PPIP5K2: variants seen among roughly 807,000 people sequenced by gnomAD.
The protein encoded by PPIP5K2 is inositol hexakisphosphate and diphosphoinositol-pentakisphosphate kinase 2.
Under a neutral mutation model 154.6 loss-of-function variants are expected in PPIP5K2, and 105 were observed. The observed-to-expected ratio is 0.68, with a 90% CI of 0.58 to 0.80. The LOEUF (loss-of-function observed/expected upper bound fraction) is 0.80. PPIP5K2 is among the 30% of genes least tolerant of loss of function. The pLI, the probability that PPIP5K2 is intolerant of heterozygous loss-of-function variation, is 0.00. For missense variants in PPIP5K2, 992 were observed against 1,504.6 expected (o/e 0.66, Z 5.64); for synonymous variants, 480 against 490.3 (o/e 0.98, Z 0.28).
At chr5:103,173,414 G>A in intron 20 of PPIP5K2, 132 bp downstream of exon 20, 2 of 1,104,016 alleles carry the variant, frequency 1.8e-6, no homozygotes, top group Non-Finnish European at 2.5e-6. Flanking sequence ...TATTACCTAG[G>A]TATTTCTATT....
chr5:103,160,842 A>G (rs1796104676), intron 17 of PPIP5K2, among the ~76,000 whole-genome samples: 1 of 152,100 alleles, frequency 6.6e-6, no homozygotes, highest in South Asian at 2.1e-4. Context: ...TGCAATGAGC[A>G]TACGTTTCTC....
At position 103,180,432 on chromosome 5, in the gene PPIP5K2, T is replaced by A. The variant is rs78354769; in HGVS notation, c.2922+244T>A. Among the ~76,000 whole-genome samples, 23 of 152,250 alleles carry A rather than the reference T, an allele frequency of 1.5e-4. 1 individual carries two copies. The East Asian group carries it at 4.4e-3, about 29-fold the overall frequency. On this transcript the variant is annotated intron_variant, in intron 24 of 30. Transcript: ENST00000358359. ...AGGATGCAAATATAAAATAAGCTGTTTCTAGGAACTTGAAAAATGAATGCT... is the reference window on the plus strand; with the variant it reads ...AGGATGCAAATATAAAATAAGCTGTATCTAGGAACTTGAAAAATGAATGCT...
chr5:103,186,725 A>T (rs1554225270), intron 27 of PPIP5K2, among the ~76,000 whole-genome samples: 1 of 152,200 alleles, frequency 6.6e-6, no homozygotes. Context: ...ATTATATTAT[A>T]AAGAGCAAGC....
In PPIP5K2 at chr5:103,206,348, C is replaced by T. The variant is rs187729952; in HGVS notation, c.*4714C>T. 2 of 152,204 alleles carry T rather than the reference C, an allele frequency of 1.3e-5. No individual in the cohort carries two copies. The highest frequency in any genetic ancestry group is 4.8e-5 in the African/African-American group (2 of 41,524). 9.4% of individuals were successfully genotyped at this position (152,204 alleles called of 1,614,324 possible). A position where few individuals can be genotyped will look rare whatever the true frequency, so the allele number is the denominator to read the frequency against. ...ATATTTTTTTTGTTCATGTCCAACA[C>T]AATAAAAATTGAGGGAAGTTCTGTC... On this transcript the variant is annotated 3_prime_UTR_variant, in exon 31 of 31. Coordinates refer to ENST00000358359, the MANE Select transcript of PPIP5K2 (RefSeq NM_001276277.3).
intron 29 of PPIP5K2, among the ~76,000 whole-genome samples, chr5:103,192,067 A>G (rs1174355446): frequency 1.3e-5 from 2 of 152,036 alleles, no homozygotes; most frequent in African/African-American, 4.8e-5. Flanking sequence ...TATTTTGTCT[A>G]AATGATACCC....
chr5:103,188,973 T>C (rs2149791725), intron 28 of PPIP5K2: 1 of 412,116 alleles, frequency 2.4e-6, no homozygotes, highest in African/African-American at 2.1e-5. Context: ...TTTTTTAATA[T>C]TGTGTTGTCT....
intron 21 of PPIP5K2, chr5:103,176,750 GACTTT>G (rs1363735492): frequency 3.5e-6 from 2 of 564,188 alleles, no homozygotes; most frequent in South Asian, 2.6e-5. Context: ...GTTGACTATA[GACTTT>G]ACTTTGAGTA....
intron 17 of PPIP5K2, among the ~76,000 whole-genome samples, chr5:103,166,004 G>C (rs1797068677): frequency 6.6e-6 from 1 of 151,998 alleles, no homozygotes; most frequent in Non-Finnish European, 1.5e-5. Context: ...TAAACAAGTG[G>C]GATGAAGATC....
intron 1 of PPIP5K2, among the ~76,000 whole-genome samples, chr5:103,125,342 T>C (rs1397692177): frequency 3.3e-5 from 5 of 152,126 alleles, no homozygotes; most frequent in South Asian, 2.1e-4. Context: ...GATGAGGAAA[T>C]TGAGGCCATA....
intron 1 of PPIP5K2, among the ~76,000 whole-genome samples, chr5:103,126,352 C>T (rs1314243574): frequency 6.6e-6 from 1 of 152,018 alleles, no homozygotes; most frequent in Non-Finnish European, 1.5e-5. Flanking sequence ...GGGGACAGAC[C>T]AGTCATTAAT....
chr5:103,179,202 A>G (rs1258033769), intron 23 of PPIP5K2, among the ~76,000 whole-genome samples: 2 of 151,884 alleles, frequency 1.3e-5, no homozygotes, highest in African/African-American at 4.8e-5. Flanking sequence ...TTAAAGAAGT[A>G]CCTTTTTATT....
At position 103,133,521 on chromosome 5, in the gene PPIP5K2, G is replaced by C. The variant is rs782534559; in HGVS notation, c.183G>C (p.Lys61Asn). Reference protein sequence around the residue: ...MAKKSKSKPMKEILERISLFK... With the variant: ...MAKKSKSKPMNEILERISLFK... ...AGAAATCCAAATCCAAACCAATGAA[G>C]GAAATTCTTGAACGGATCTCCTTAT... is the stretch of plus-strand genomic sequence containing the variant. Residue 61 changes from lysine to asparagine, a missense_variant, in exon 3 of 31, where the codon AAG (lysine) becomes AAC (asparagine). By Grantham distance (94) the Lys-to-Asn change is moderately conservative (BLOSUM62 0). Around this residue, in one of 9 missense-constraint regions of PPIP5K2, gnomAD observed 153 missense variants for 200.4 expected, o/e 0.76. Coordinates refer to ENST00000358359, the MANE Select transcript of PPIP5K2 (RefSeq NM_001276277.3). 1 of 1,611,978 alleles carries C rather than the reference G, an allele frequency of 6.2e-7. No homozygotes were observed. Among genetic ancestry groups the C allele is most frequent in the South Asian group, 1.1e-5 (1 of 90,878 alleles).
chr5:103,180,298 T>A, intron 24 of PPIP5K2, 110 bp downstream of exon 24: 1 of 853,666 alleles, frequency 1.2e-6, no homozygotes, highest in East Asian at 3.3e-5. Flanking sequence ...CCAACAAATT[T>A]TTAAATGTTA....
intron 21 of PPIP5K2, chr5:103,176,960 T>G (rs1798818062): frequency 7.3e-7 from 1 of 1,361,480 alleles, no homozygotes. Context: ...TTTTTGAATA[T>G]CACTTCAGTG....
intron 3 of PPIP5K2, among the ~76,000 whole-genome samples, chr5:103,135,531 A>C (rs1554203892): frequency 6.6e-6 from 1 of 152,144 alleles, no homozygotes; most frequent in African/African-American, 2.4e-5. Context: ...TCTTGGGCTC[A>C]AGTGATCCTC....
intron 23 of PPIP5K2, among the ~76,000 whole-genome samples, chr5:103,178,680 A>G (rs782024203): frequency 1.3e-5 from 2 of 151,708 alleles, no homozygotes; most frequent in South Asian, 2.1e-4. Context: ...GAGAAAAATG[A>G]TACTTTTTCA....
In PPIP5K2 at chr5:103,177,935, C is replaced by CA. The variant is rs1798955236; in HGVS notation, c.2714dup (p.Asn905LysfsTer9). On this transcript the variant is annotated frameshift_variant, in exon 23 of 31. Coordinates refer to ENST00000358359, the MANE Select transcript of PPIP5K2 (RefSeq NM_001276277.3). LOFTEE classifies it high-confidence loss of function. ...CGGGAGCCAAAGGTTGTGAAGAAGA[C>CA]AAAAATTTGCCATCTGGCTATGGAT... is the stretch of plus-strand genomic sequence containing the variant. 6.2e-7 allele frequency: 1 copy of CA among 1,612,906 alleles called. No individual in the cohort carries two copies. The highest frequency in any genetic ancestry group is 1.3e-5 in the African/African-American group (1 of 74,862).
chr5:103,137,639 C>A (rs1376840506), intron 4 of PPIP5K2, among the ~76,000 whole-genome samples: 1 of 152,102 alleles, frequency 6.6e-6, no homozygotes, highest in South Asian at 2.1e-4. Context: ...CATAATCTCA[C>A]CAGCATTCTA....
Position 103,155,406 on chromosome 5 carries a change from C to CTTTT in PPIP5K2, c.1404-468_1404-465dup, listed in dbSNP as rs70990423. 2.4e-4 allele frequency among the ~76,000 whole-genome samples: 5 copies of CTTTT among 21,090 alleles called. 1 individual carries two copies. The highest frequency in any genetic ancestry group is 7.6e-4 in the Admixed American group (1 of 1,308). 13.8% of individuals were successfully genotyped at this position (21,090 alleles called of 152,430 possible). ...CTGTACTTTATCTCTTCAGAGTTGT[C>CTTTT]TTTTTTTTTTTTTTTTTTTTTTTTT... On this transcript the variant is annotated intron_variant, in intron 13 of 30. Coordinates refer to ENST00000358359, the MANE Select transcript of PPIP5K2 (RefSeq NM_001276277.3).
Sources: allele counts gnomAD v4.1 joint callset (sites outside exome capture counted in the v4.1 genomes callset), GRCh38; gene constraint gnomAD v4.1.1; regional missense constraint gnomAD v4.1.1; transcripts MANE v1.5; gene names NCBI Gene and HGNC (gene_info 2026-07-23, HGNC 2026-07-21).